Variants in AUTS2 observed in about 807,000 individuals in gnomAD.
The protein encoded by AUTS2 is autism susceptibility gene 2 protein.
In AUTS2, 17 loss-of-function variants were observed where a neutral mutation model predicts 112.4. The observed-to-expected ratio is 0.15, with a 90% confidence interval of 0.10 to 0.23. The LOEUF is 0.23. AUTS2 is among the 10% of genes least tolerant of loss of function. The pLI is 1.00. For missense variants in AUTS2, 1,510 were observed against 1,701.6 expected (o/e 0.89, Z 1.98); for synonymous variants, 751 against 702.7 (o/e 1.07, Z -1.09).
Position 70,597,732 on chromosome 7 carries a change from T to G in AUTS2, c.691-100837T>G, listed in dbSNP as rs77990380. Among the ~76,000 whole-genome samples the G allele has an allele frequency of 9.3e-3, 1,413 of 152,334 alleles. 20 individuals carry two copies. The highest frequency in any genetic ancestry group is 0.033 in the African/African-American group (1,352 of 41,574). ...AGGTTTCTGGGAATCCTTTTAACCC[T>G]ACATTGGGATGCACATATTTATTTC... On this transcript the variant is annotated intron_variant, in intron 5 of 18. Transcript: ENST00000342771.
chr7:69,852,300 T>G (rs1344849022), intron 1 of AUTS2, among the ~76,000 whole-genome samples: 1 of 152,218 alleles, frequency 6.6e-6, no homozygotes, highest in Non-Finnish European at 1.5e-5. Context: ...TATATATTGC[T>G]AAATTTTGTT....
chr7:70,531,436 G>T (rs1485426021), intron 5 of AUTS2, among the ~76,000 whole-genome samples: 1 of 152,162 alleles, frequency 6.6e-6, no homozygotes, highest in African/African-American at 2.4e-5. Flanking sequence ...AAAGAAAAGA[G>T]GTTTATTTGA....
intron 5 of AUTS2, among the ~76,000 whole-genome samples, chr7:70,447,445 G>A (rs1796362470): frequency 6.6e-6 from 1 of 152,236 alleles, no homozygotes; most frequent in Non-Finnish European, 1.5e-5. Context: ...ATAGTGCTTA[G>A]ATGTGCTATA....
intron 5 of AUTS2, among the ~76,000 whole-genome samples, chr7:70,646,491 T>C (rs1806167601): frequency 6.6e-6 from 1 of 152,248 alleles, no homozygotes; most frequent in Non-Finnish European, 1.5e-5. Flanking sequence ...CAGAGGCCAT[T>C]CAACTGCCAG....
chr7:70,339,080 G>C (rs896905755), intron 4 of AUTS2, among the ~76,000 whole-genome samples: 3 of 151,786 alleles, frequency 2.0e-5, no homozygotes, highest in Non-Finnish European at 2.9e-5. Flanking sequence ...GGCCAGGATG[G>C]TTTCGATCTC....
At chr7:70,044,182 G>A (rs1801397841) in intron 2 of AUTS2, among the ~76,000 whole-genome samples, 2 of 152,154 alleles carry the variant, frequency 1.3e-5, no homozygotes, top group South Asian at 2.1e-4. Context: ...GTTGGGACTG[G>A]TGTGCTGGTT....
chr7:70,402,531 C>T lies in AUTS2; in HGVS notation c.661-33221C>T, dbSNP rs568202779. Reference sequence around the variant, plus strand: ...ACAGAGGCATCAAGTAATAAAGAAACGATTCCAAGGTTCCAGACTCCTGGG... The same window carrying T: ...ACAGAGGCATCAAGTAATAAAGAAATGATTCCAAGGTTCCAGACTCCTGGG... On this transcript the variant is annotated intron_variant, in intron 4 of 18. Transcript: ENST00000342771. 3.5e-4 allele frequency among the ~76,000 whole-genome samples: 53 copies of T among 152,306 alleles called. 1 individual carries two copies. The highest frequency in any genetic ancestry group is 1.2e-3 in the African/African-American group (50 of 41,554).
At chr7:70,060,635 A>C (rs1802200748) in intron 2 of AUTS2, among the ~76,000 whole-genome samples, 1 of 152,226 alleles carries the variant, frequency 6.6e-6, no homozygotes, top group Non-Finnish European at 1.5e-5. Context: ...CAACCCTAGG[A>C]AGTATAATAT....
At chr7:70,491,483 G>C (rs1476135298) in intron 5 of AUTS2, among the ~76,000 whole-genome samples, 2 of 145,878 alleles carry the variant, frequency 1.4e-5, no homozygotes, top group Non-Finnish European at 3.0e-5. Context: ...TAATATATAT[G>C]TTATATATAC....
chr7:69,902,035 C>A (rs931878388), intron 2 of AUTS2, among the ~76,000 whole-genome samples: 1 of 152,120 alleles, frequency 6.6e-6, no homozygotes, highest in Non-Finnish European at 1.5e-5. Context: ...CAGTCTGTAA[C>A]TGATAGGCTC....
At chr7:69,663,129 A>C (rs967956204) in intron 1 of AUTS2, 6 of 152,186 alleles carry the variant, frequency 3.9e-5, no homozygotes, top group African/African-American at 1.4e-4. Flanking sequence ...TTAGGCTTTT[A>C]AAAGTTGGTC....
At chr7:70,557,612 C>G (rs1801305927) in intron 5 of AUTS2, among the ~76,000 whole-genome samples, 1 of 152,176 alleles carries the variant, frequency 6.6e-6, no homozygotes, top group African/African-American at 2.4e-5. Flanking sequence ...GCCCCAGAGC[C>G]CATTACCATA....
intron 2 of AUTS2, among the ~76,000 whole-genome samples, chr7:70,079,139 A>G (rs939627434): frequency 2.0e-5 from 3 of 152,144 alleles, no homozygotes; most frequent in Non-Finnish European, 4.4e-5. Context: ...GCGTATCTTT[A>G]TGTACCCCTT....
chr7:69,705,924 G>A (rs1216224728), intron 1 of AUTS2, among the ~76,000 whole-genome samples: 3 of 151,736 alleles, frequency 2.0e-5, no homozygotes, highest in Non-Finnish European at 2.9e-5. Flanking sequence ...AAAGACAGCC[G>A]CCATACTGGA....
chr7:70,722,176 G>T (rs1786730173), intron 6 of AUTS2, among the ~76,000 whole-genome samples: 1 of 151,840 alleles, frequency 6.6e-6, no homozygotes, highest in South Asian at 2.1e-4. Flanking sequence ...AATGACATCA[G>T]CAGTTTAAAG....
chr7:69,982,281 A>C (rs1000074944), intron 2 of AUTS2, among the ~76,000 whole-genome samples: 3 of 152,158 alleles, frequency 2.0e-5, no homozygotes, highest in African/African-American at 7.2e-5. Context: ...AGCACAGTGA[A>C]TACTAAAGGG....
chr7:70,092,986 C>G (rs1277085110), intron 2 of AUTS2, among the ~76,000 whole-genome samples: 1 of 152,090 alleles, frequency 6.6e-6, no homozygotes, highest in Non-Finnish European at 1.5e-5. Context: ...CCTGCACCTC[C>G]CCTCCTCCCC....
chr7:70,179,125 A>G lies in AUTS2; in HGVS notation c.660+44554A>G, dbSNP rs1809162479. Among the ~76,000 whole-genome samples the G allele has an allele frequency of 1.3e-5, 2 of 152,058 alleles. 1 individual carries two copies. The highest frequency in any genetic ancestry group is 2.9e-5 in the Non-Finnish European group (2 of 68,000). Reference sequence around the variant, plus strand: ...GCTCTCCATCTCCCTGTGGCATTTTATGGCTCAGAGAGGATTGGAACTAAA... The same window carrying G: ...GCTCTCCATCTCCCTGTGGCATTTTGTGGCTCAGAGAGGATTGGAACTAAA... On this transcript the variant is annotated intron_variant, in intron 4 of 18. Transcript: ENST00000342771.
intron 6 of AUTS2, among the ~76,000 whole-genome samples, chr7:70,706,641 G>A (rs1809753407): frequency 6.6e-6 from 1 of 152,188 alleles, no homozygotes; most frequent in Non-Finnish European, 1.5e-5. Flanking sequence ...TTCCCTAATA[G>A]CCATTTGGTT....
Sources: gnomAD v4.1 joint callset for allele counts (sites outside exome capture counted in the v4.1 genomes callset) on GRCh38, gnomAD v4.1.1 for gene constraint, MANE v1.5 for transcripts, NCBI Gene and HGNC (gene_info 2026-07-23, HGNC 2026-07-21) for gene names.